COL23A1: variants seen among roughly 807,000 people sequenced by gnomAD.
COL23A1 encodes collagen alpha-1(XXIII) chain.
A neutral mutation model predicts 99.3 loss-of-function variants in COL23A1; 97 were observed. That is an observed-to-expected ratio of 0.98 (90% CI 0.83 to 1.16). COL23A1 has a LOEUF of 1.16. Ranked by LOEUF, COL23A1 falls within the 50% of genes most tolerant of loss-of-function variation. The probability of loss-of-function intolerance (pLI) is 0.00; values close to 1 mark genes in which losing one functional copy is unlikely to be tolerated. For synonymous variants in COL23A1, 320 were observed against 308.2 expected (o/e 1.04, Z -0.40); for missense variants, 762 against 757.4 (o/e 1.01, Z -0.07).
intron 5 of COL23A1, among the ~76,000 whole-genome samples, chr5:178,282,163 C>T (rs1052178842): frequency 1.3e-5 from 2 of 151,876 alleles, no homozygotes; most frequent in Admixed American, 6.6e-5. Flanking sequence ...CAGAACTGGA[C>T]ATTTCATTAC....
intron 2 of COL23A1, among the ~76,000 whole-genome samples, chr5:178,334,503 AT>A (rs1760214247): frequency 2.0e-5 from 3 of 152,234 alleles, no homozygotes; most frequent in South Asian, 4.1e-4. Flanking sequence ...CCACATTAGC[AT>A]TTCAAAGAGG....
intron 2 of COL23A1, among the ~76,000 whole-genome samples, chr5:178,432,053 A>C (rs934759448): frequency 1.3e-5 from 2 of 152,244 alleles, no homozygotes; most frequent in Non-Finnish European, 2.9e-5. Context: ...TCCTGCTGAA[A>C]TAGAAAGGGG....
In COL23A1 at chr5:178,366,089, AT is replaced by A. The variant is rs1420199501; in HGVS notation, c.362-59171del. On this transcript the variant is annotated intron_variant, in intron 2 of 28. Coordinates refer to ENST00000390654, the MANE Select transcript of COL23A1 (RefSeq NM_173465.4). This position sits in a 1 kb window ranked among gnomAD's most constrained non-coding sequence, Gnocchi z 4.4. ...GATCATCTGCCGCTGTGTCCTCAGC[AT>A]CTGGCCCAGCCCCATGGGGACCATC... Among the ~76,000 whole-genome samples, 1 of 152,120 alleles carries A rather than the reference AT, an allele frequency of 6.6e-6. No individual in the cohort carries two copies. The highest frequency in any genetic ancestry group is 2.4e-5 in the African/African-American group (1 of 41,424).
chr5:178,269,785 T>C (rs796726866), intron 6 of COL23A1, among the ~76,000 whole-genome samples: 23 of 107,986 alleles, frequency 2.1e-4, no homozygotes, highest in Admixed American at 3.7e-4. Context: ...TCCATCCATC[T>C]ATCCAGTCAG....
chr5:178,355,392 A>G (rs115208436), intron 2 of COL23A1, among the ~76,000 whole-genome samples: 2,789 of 152,312 alleles, frequency 0.018, 83 homozygotes, highest in African/African-American at 0.064. Context: ...ATTAAGGCAC[A>G]ACGCTATACA....
rs1281855507 is a variant in COL23A1, at chr5:178,468,339, T to C, written c.361+92343A>G. 6.6e-6 allele frequency among the ~76,000 whole-genome samples: 1 copy of C among 151,388 alleles called. No homozygotes were observed. The highest frequency in any genetic ancestry group is 1.9e-4 in the East Asian group (1 of 5,148). ...CAGAGGGTGAGAGAGAACACGGAGG[T>C]GCAAGACAGGGAGGGGATGGAAGCC... is the stretch of plus-strand genomic sequence containing the variant. On this transcript the variant is annotated intron_variant, in intron 2 of 28. Coordinates refer to ENST00000390654, the MANE Select transcript of COL23A1 (RefSeq NM_173465.4). This position sits in a 1 kb window ranked among gnomAD's most constrained non-coding sequence, Gnocchi z 4.2.
chr5:178,488,619 C>T (rs1031450116), intron 2 of COL23A1, among the ~76,000 whole-genome samples: 21 of 151,652 alleles, frequency 1.4e-4, no homozygotes, highest in African/African-American at 5.1e-4. Context: ...CACAGCAGGC[C>T]GCCACTTTAT....
At chr5:178,240,979 A>G (rs1355102721) in intron 27 of COL23A1, among the ~76,000 whole-genome samples, 1 of 152,164 alleles carries the variant, frequency 6.6e-6, no homozygotes, top group Admixed American at 6.5e-5. Flanking sequence ...AGTGGCTCAC[A>G]CCTGTCGTCC....
intron 1 of COL23A1, among the ~76,000 whole-genome samples, chr5:178,585,747 C>CTCCACGTCCCTGGATGGCG (rs1562115728): frequency 2.0e-4 from 1 of 5,010 alleles, no homozygotes. Flanking sequence ...CCTGGCTGAC[C>CTCCACGTCCCTGGATGGCG]CTGTTGGTTG....
intron 2 of COL23A1, among the ~76,000 whole-genome samples, chr5:178,390,215 A>G (rs1052154924): frequency 8.5e-5 from 13 of 152,180 alleles, no homozygotes; most frequent in African/African-American, 3.1e-4. Context: ...TACTATCCAA[A>G]CCAAGATATT....
intron 2 of COL23A1, among the ~76,000 whole-genome samples, chr5:178,381,516 C>A (rs1446425667): frequency 6.6e-6 from 1 of 152,148 alleles, no homozygotes; most frequent in East Asian, 1.9e-4. Flanking sequence ...TGTGCTGTTA[C>A]CATCTATCCA....
chr5:178,435,876 G>A (rs972724506), intron 2 of COL23A1, among the ~76,000 whole-genome samples: 1 of 152,204 alleles, frequency 6.6e-6, no homozygotes, highest in Non-Finnish European at 1.5e-5. Flanking sequence ...TTGCCACATA[G>A]GTAGCACAGA....
At chr5:178,518,209 G>A (rs1356729955) in intron 2 of COL23A1, among the ~76,000 whole-genome samples, 43 of 129,868 alleles carry the variant, frequency 3.3e-4, no homozygotes, top group African/African-American at 1.1e-3. Context: ...GCACGGGGTT[G>A]GGGGTAAGGT....
At chr5:178,587,305 T>G (rs751587907) in intron 1 of COL23A1, among the ~76,000 whole-genome samples, 1 of 152,240 alleles carries the variant, frequency 6.6e-6, no homozygotes, top group Non-Finnish European at 1.5e-5. Context: ...GGGTCTTTAA[T>G]GATCATGAGT....
At chr5:178,511,963 G>A (rs1349627723) in intron 2 of COL23A1, among the ~76,000 whole-genome samples, 1 of 152,210 alleles carries the variant, frequency 6.6e-6, no homozygotes, top group Non-Finnish European at 1.5e-5. Context: ...ATTGGGAGTA[G>A]AGATTTCGTA....
At chr5:178,405,098 T>A (rs1308573665) in intron 2 of COL23A1, among the ~76,000 whole-genome samples, 1 of 152,080 alleles carries the variant, frequency 6.6e-6, no homozygotes, top group East Asian at 1.9e-4. Flanking sequence ...CATCTCTACC[T>A]CCCGCATTCG....
At chr5:178,338,730 T>G (rs1477512378) in intron 2 of COL23A1, among the ~76,000 whole-genome samples, 1 of 151,702 alleles carries the variant, frequency 6.6e-6, no homozygotes, top group African/African-American at 2.4e-5. Context: ...ATTTGGTTAA[T>G]GGGGGGGTCC....
intron 2 of COL23A1, among the ~76,000 whole-genome samples, chr5:178,334,986 G>A (rs745544531): frequency 5.9e-5 from 9 of 152,222 alleles, no homozygotes; most frequent in Non-Finnish European, 8.8e-5. Flanking sequence ...CCGACATTCT[G>A]TTCAAGGCAC....
intron 1 of COL23A1, among the ~76,000 whole-genome samples, chr5:178,585,249 T>A (rs1194528190): frequency 6.6e-6 from 1 of 152,124 alleles, no homozygotes; most frequent in Non-Finnish European, 1.5e-5. Context: ...CACCCTCCTC[T>A]GGGGTGACAA....
Sources: gnomAD v4.1 joint callset for allele counts (sites outside exome capture counted in the v4.1 genomes callset) on GRCh38, gnomAD v4.1.1 for gene constraint, Gnocchi (gnomAD v3.1) non-coding constraint, MANE v1.5 for transcripts, NCBI Gene and HGNC (gene_info 2026-07-23, HGNC 2026-07-21) for gene names.